Variants in FOXN3 observed in about 807,000 individuals in gnomAD.
The protein encoded by FOXN3 is forkhead box N3.
In FOXN3, 7 loss-of-function variants were observed where a neutral mutation model predicts 38.4. That is an observed-to-expected ratio of 0.18 (90% CI 0.10 to 0.34). The LOEUF (loss-of-function observed/expected upper bound fraction) is 0.34, where lower values mean the gene tolerates loss of function less well. Ranked by LOEUF, FOXN3 falls within the 10% of genes least tolerant of loss-of-function variation. The probability of loss-of-function intolerance (pLI) is 1.00; values close to 1 mark genes in which losing one functional copy is unlikely to be tolerated. For missense variants in FOXN3, 456 were observed against 613.4 expected (o/e 0.74, Z 2.71); for synonymous variants, 230 against 242.2 (o/e 0.95, Z 0.47).
intron 1 of FOXN3, chr14:89,576,557 A>ACC: frequency 6.6e-6 from 1 of 151,720 alleles, no homozygotes; most frequent in African/African-American, 2.4e-5. Flanking sequence ...AAAACCCAAA[A>ACC]CAAAACAAAA....
chr14:89,502,567 C>A (rs1262459268), intron 1 of FOXN3, among the ~76,000 whole-genome samples: 1 of 152,202 alleles, frequency 6.6e-6, no homozygotes, highest in Non-Finnish European at 1.5e-5. Flanking sequence ...ACATAGGAAT[C>A]CTCTGAAATG....
At chr14:89,603,197 C>CT (rs1056639124) in intron 1 of FOXN3, among the ~76,000 whole-genome samples, 1 of 152,130 alleles carries the variant, frequency 6.6e-6, no homozygotes, top group African/African-American at 2.4e-5. Flanking sequence ...CATGCTTTTC[C>CT]TTTTTTGCTA....
chr14:89,555,788 G>T (rs1285105711), intron 1 of FOXN3, among the ~76,000 whole-genome samples: 1 of 150,270 alleles, frequency 6.7e-6, no homozygotes, highest in Non-Finnish European at 1.5e-5. Flanking sequence ...AGACCCCATT[G>T]TAAGTTTGTA....
intron 4 of FOXN3, chr14:89,184,132 A>G (rs1887743436): frequency 6.6e-6 from 1 of 152,262 alleles, no homozygotes; most frequent in Admixed American, 6.5e-5. Flanking sequence ...AAACCAGACC[A>G]TGCTGGAAGA....
intron 1 of FOXN3, among the ~76,000 whole-genome samples, chr14:89,453,559 CAAAAAAAAAA>C (rs35296047): frequency 1.4e-5 from 1 of 72,752 alleles, no homozygotes; most frequent in East Asian, 4.8e-4. Context: ...GACTCCGTCT[CAAAAAAAAAA>C]AAAAAAAAAA....
At chr14:89,392,523 C>T (rs899186402) in intron 2 of FOXN3, among the ~76,000 whole-genome samples, 1 of 152,154 alleles carries the variant, frequency 6.6e-6, no homozygotes, top group Non-Finnish European at 1.5e-5. Flanking sequence ...TGTTCTACGA[C>T]CCTCTCTGGT....
intron 1 of FOXN3, among the ~76,000 whole-genome samples, chr14:89,505,053 T>C (rs981750208): frequency 1.3e-5 from 2 of 152,196 alleles, no homozygotes; most frequent in African/African-American, 4.8e-5. Flanking sequence ...TTGAAAAAGA[T>C]GCATGCTCCG....
intron 4 of FOXN3, among the ~76,000 whole-genome samples, chr14:89,218,284 G>A (rs1265228903): frequency 6.6e-6 from 1 of 152,186 alleles, no homozygotes; most frequent in African/African-American, 2.4e-5. Flanking sequence ...AGTCAATGGA[G>A]CATTCCTTTT....
At chr14:89,408,936 G>C (rs1399521434) in intron 2 of FOXN3, among the ~76,000 whole-genome samples, 1 of 152,106 alleles carries the variant, frequency 6.6e-6, no homozygotes, top group Non-Finnish European at 1.5e-5. Flanking sequence ...ACTGGGCAGA[G>C]TATCAGGGAG....
At chr14:89,392,807 A>AT (rs35499441) in intron 2 of FOXN3, among the ~76,000 whole-genome samples, 48,583 of 133,936 alleles carry the variant, frequency 0.36, 10,367 homozygotes, top group Admixed American at 0.5. Flanking sequence ...CGCCCAGCTA[A>AT]TTTTTTTTTT....
At chr14:89,462,148 T>C (rs1892861400) in intron 1 of FOXN3, among the ~76,000 whole-genome samples, 1 of 152,230 alleles carries the variant, frequency 6.6e-6, no homozygotes, top group Non-Finnish European at 1.5e-5. Flanking sequence ...GCCTTTGGGG[T>C]AAACCCCTCT....
intron 4 of FOXN3, among the ~76,000 whole-genome samples, chr14:89,249,023 C>T (rs1193060982): frequency 6.6e-6 from 1 of 152,206 alleles, no homozygotes; most frequent in East Asian, 1.9e-4. Context: ...ACAAACCAGG[C>T]TACTTGAATG....
intron 1 of FOXN3, among the ~76,000 whole-genome samples, chr14:89,506,001 G>T (rs1188902227): frequency 1.3e-5 from 2 of 150,420 alleles, no homozygotes; most frequent in Non-Finnish European, 3.0e-5. Flanking sequence ...CCGCCTGGCA[G>T]CCACCCCGTC....
chr14:89,307,167 T>C (rs1334562537), intron 3 of FOXN3, among the ~76,000 whole-genome samples: 3 of 152,198 alleles, frequency 2.0e-5, no homozygotes, highest in Non-Finnish European at 4.4e-5. Context: ...CTACCAAAAT[T>C]TCCAGAAAAC....
intron 3 of FOXN3, among the ~76,000 whole-genome samples, chr14:89,348,657 G>GCTT (rs1030787519): frequency 2.6e-5 from 4 of 151,930 alleles, no homozygotes; most frequent in Non-Finnish European, 5.9e-5. Flanking sequence ...GCAGAAACTG[G>GCTT]TTTTTTTTCC....
chr14:89,356,912 A>C (rs560382678), intron 2 of FOXN3, among the ~76,000 whole-genome samples: 1 of 152,328 alleles, frequency 6.6e-6, no homozygotes, highest in South Asian at 2.1e-4. Context: ...AGTTAGAAGA[A>C]AGGAAGTTGC....
intron 4 of FOXN3, among the ~76,000 whole-genome samples, chr14:89,206,663 A>G (rs1344826178): frequency 6.6e-6 from 1 of 152,174 alleles, no homozygotes; most frequent in Non-Finnish European, 1.5e-5. Flanking sequence ...ACCATATTTC[A>G]TCTTTCAATA....
At chr14:89,328,014 C>T (rs1265865169) in intron 3 of FOXN3, among the ~76,000 whole-genome samples, 10 of 152,258 alleles carry the variant, frequency 6.6e-5, no homozygotes, top group Non-Finnish European at 5.9e-5. Flanking sequence ...TCCCAGACCA[C>T]AGGCTAATGC....
chr14:89,360,077 A>C (rs2140025000), intron 2 of FOXN3, among the ~76,000 whole-genome samples: 1 of 152,298 alleles, frequency 6.6e-6, no homozygotes, highest in African/African-American at 2.4e-5. Flanking sequence ...CTTCTCCTGG[A>C]AACGGCCTAG....
Sources: gnomAD v4.1 joint callset for allele counts (sites outside exome capture counted in the v4.1 genomes callset) on GRCh38, gnomAD v4.1.1 for gene constraint, MANE v1.5 for transcripts, NCBI Gene and HGNC (gene_info 2026-07-23, HGNC 2026-07-21) for gene names.